Variants in LUZP2 observed in about 807,000 individuals in gnomAD.
The protein encoded by LUZP2 is leucine zipper protein 2.
A neutral mutation model predicts 51.6 loss-of-function variants in LUZP2; 52 were observed. The ratio of observed to expected loss-of-function variants is 1.01; its 90% confidence interval spans 0.81 to 1.27. The LOEUF (loss-of-function observed/expected upper bound fraction) is 1.27. LUZP2 is among the 50% of genes most tolerant of loss of function. The pLI is 0.00. For synonymous variants in LUZP2, 154 were observed against 137.3 expected, an observed-to-expected ratio of 1.12 and a Z score of -0.85; for missense variants, 436 against 395.4, an observed-to-expected ratio of 1.10 and a Z score of -0.87.
intron 5 of LUZP2, among the ~76,000 whole-genome samples, chr11:24,805,025 A>G (rs1011501463): frequency 3.6e-5 from 4 of 112,104 alleles, no homozygotes; most frequent in African/African-American, 1.3e-4. Flanking sequence ...TTTTTTTTGT[A>G]TTTTTAGTAG....
intron 5 of LUZP2, among the ~76,000 whole-genome samples, chr11:24,830,566 A>G (rs1395770618): frequency 6.6e-6 from 1 of 152,236 alleles, no homozygotes; most frequent in East Asian, 1.9e-4. Flanking sequence ...ATTAAATGTC[A>G]GATATTATTA....
intron 1 of LUZP2, among the ~76,000 whole-genome samples, chr11:24,634,397 A>G (rs150217100): frequency 9.3e-4 from 141 of 152,124 alleles, no homozygotes; most frequent in Non-Finnish European, 7.4e-5. Context: ...CTATCACAGA[A>G]TTGGTCCACA....
intron 1 of LUZP2, among the ~76,000 whole-genome samples, chr11:24,705,324 A>C (rs1857545107): frequency 6.6e-6 from 1 of 151,874 alleles, no homozygotes; most frequent in African/African-American, 2.4e-5. Context: ...TTTCAAAATC[A>C]CCTTTTATTT....
intron 9 of LUZP2, among the ~76,000 whole-genome samples, chr11:24,997,919 C>T (rs528564579): frequency 5.3e-5 from 8 of 152,252 alleles, no homozygotes; most frequent in African/African-American, 7.2e-5. Context: ...TGTCAAAGAT[C>T]GGACAGTTGT....
intron 5 of LUZP2, among the ~76,000 whole-genome samples, chr11:24,865,745 T>TAC (rs1491454521): frequency 8.6e-4 from 127 of 147,686 alleles, no homozygotes; most frequent in African/African-American, 3.0e-3. Context: ...TGTGTGTGTG[T>TAC]ATATATATTT....
intron 5 of LUZP2, among the ~76,000 whole-genome samples, chr11:24,764,512 A>T (rs2134036181): frequency 6.8e-6 from 1 of 146,400 alleles, no homozygotes; most frequent in Admixed American, 6.8e-5. Context: ...AAAAAAAAAA[A>T]AAAATTAGCT....
intron 1 of LUZP2, among the ~76,000 whole-genome samples, chr11:24,646,996 A>T (rs1324506232): frequency 1.3e-5 from 2 of 152,068 alleles, no homozygotes; most frequent in Non-Finnish European, 2.9e-5. Flanking sequence ...TGAATTTTAA[A>T]TTCAGCTCCA....
At chr11:24,905,859 A>G (rs1304286769) in intron 5 of LUZP2, 132 bp from the exon 6 acceptor site, 3 of 561,220 alleles carry the variant, frequency 5.3e-6, no homozygotes, top group East Asian at 2.9e-5. Flanking sequence ...TCAGTTTTAC[A>G]CCAATCCATT....
chr11:24,767,932 T>C (rs1860255400), intron 5 of LUZP2, among the ~76,000 whole-genome samples: 1 of 151,930 alleles, frequency 6.6e-6, no homozygotes, highest in Non-Finnish European at 1.5e-5. Flanking sequence ...GAATTTATTC[T>C]GACTTTCACT....
intron 2 of LUZP2, among the ~76,000 whole-genome samples, chr11:24,729,805 T>C (rs1250716726): frequency 6.6e-6 from 1 of 151,960 alleles, no homozygotes; most frequent in African/African-American, 2.4e-5. Context: ...ATTGCAATAT[T>C]TGACATAAAC....
At chr11:25,011,803 A>C (rs917894389) in intron 9 of LUZP2, among the ~76,000 whole-genome samples, 3 of 152,052 alleles carry the variant, frequency 2.0e-5, no homozygotes, top group African/African-American at 7.2e-5. Context: ...CGGGGCATCT[A>C]TCACCTTGTA....
At position 24,670,247 on chromosome 11, in the gene LUZP2, GTC is replaced by G. The variant is rs1484297921; in HGVS notation, c.63-58921_63-58920del. Among the ~76,000 whole-genome samples, 14 of 152,086 alleles carry G rather than the reference GTC, an allele frequency of 9.2e-5. No individual in the cohort carries two copies. In the South Asian group the frequency reaches 2.9e-3, roughly 32 times the overall value. ...TTGACAGCTCTGTGACCACAGATAA[GTC>G]ACTTCATTTTCATTAGCATTAAGTA... On this transcript the variant is annotated intron_variant, in intron 1 of 11. Transcript: ENST00000336930.
At chr11:24,870,649 T>G (rs1293794252) in intron 5 of LUZP2, among the ~76,000 whole-genome samples, 1 of 152,120 alleles carries the variant, frequency 6.6e-6, no homozygotes, top group African/African-American at 2.4e-5. Flanking sequence ...TATCCTAAAG[T>G]CTCTGGGCTT....
intron 1 of LUZP2, among the ~76,000 whole-genome samples, chr11:24,522,671 A>G (rs1850680553): frequency 6.6e-6 from 1 of 152,078 alleles, no homozygotes; most frequent in Non-Finnish European, 1.5e-5. Flanking sequence ...AAAGCACTCT[A>G]TATTGGCTTT....
At chr11:24,565,564 G>A (rs1227093793) in intron 1 of LUZP2, among the ~76,000 whole-genome samples, 2 of 152,120 alleles carry the variant, frequency 1.3e-5, no homozygotes, top group Non-Finnish European at 2.9e-5. Context: ...GAAATAGAAA[G>A]CATTATCACA....
intron 1 of LUZP2, among the ~76,000 whole-genome samples, chr11:24,677,730 CTCTA>C (rs1386547550): frequency 1.3e-5 from 2 of 151,996 alleles, no homozygotes; most frequent in Non-Finnish European, 2.9e-5. Context: ...ATATCTTTGT[CTCTA>C]TCTAAAGAGA....
chr11:24,850,506 C>T (rs1340596500), intron 5 of LUZP2, among the ~76,000 whole-genome samples: 1 of 151,730 alleles, frequency 6.6e-6, no homozygotes, highest in African/African-American at 2.4e-5. Flanking sequence ...CAGTAACATG[C>T]TGTTTTGGTT....
chr11:24,893,733 A>G (rs949945370), intron 5 of LUZP2, among the ~76,000 whole-genome samples: 9 of 150,366 alleles, frequency 6.0e-5, no homozygotes, highest in East Asian at 2.0e-4. Flanking sequence ...TTTCCATCCA[A>G]TTTCATGCTG....
chr11:24,899,788 C>T (rs550617889), intron 5 of LUZP2, among the ~76,000 whole-genome samples: 1 of 152,158 alleles, frequency 6.6e-6, no homozygotes, highest in East Asian at 1.9e-4. Context: ...AAAAGAGCTT[C>T]AAATTTCATG....
Sources: gnomAD v4.1 joint callset for allele counts (sites outside exome capture counted in the v4.1 genomes callset) on GRCh38, gnomAD v4.1.1 for gene constraint, MANE v1.5 for transcripts, NCBI Gene and HGNC (gene_info 2026-07-23, HGNC 2026-07-21) for gene names.